PALLD: variants seen among roughly 807,000 people sequenced by gnomAD.
PALLD encodes palladin, cytoskeletal associated protein, also known as palladin.
PALLD carries 61 observed loss-of-function variants against 123.5 expected under a neutral mutation model. That is an observed-to-expected ratio of 0.49 (90% confidence interval 0.40 to 0.61). PALLD has a LOEUF of 0.61. Ranked by LOEUF, PALLD falls within the 20% of genes least tolerant of loss-of-function variation. The probability of loss-of-function intolerance (pLI) is 0.00; values close to 1 mark genes in which losing one functional copy is unlikely to be tolerated. For missense variants in PALLD, 1,273 were observed against 1,377.0 expected, an observed-to-expected ratio of 0.92 and a Z score of 1.20; for synonymous variants, 465 against 496.4, an observed-to-expected ratio of 0.94 and a Z score of 0.84.
chr4:168,741,146 T>G (rs1322050005), intron 10 of PALLD, among the ~76,000 whole-genome samples: 8 of 152,172 alleles, frequency 5.3e-5, no homozygotes, highest in Non-Finnish European at 1.2e-4. Flanking sequence ...TAAATCAAAC[T>G]CTGGATGGCG....
intron 2 of PALLD, among the ~76,000 whole-genome samples, chr4:168,517,631 T>C (rs905548951): frequency 1.3e-5 from 2 of 152,192 alleles, no homozygotes; most frequent in African/African-American, 2.4e-5. Context: ...TGAATTTACT[T>C]TTCTTACTAA....
At chr4:168,665,200 C>T (rs1238121952) in intron 2 of PALLD, among the ~76,000 whole-genome samples, 2 of 152,118 alleles carry the variant, frequency 1.3e-5, no homozygotes, top group African/African-American at 2.4e-5. Context: ...GGATTTGGCA[C>T]CTTGTCTTTA....
intron 2 of PALLD, among the ~76,000 whole-genome samples, chr4:168,571,853 G>C (rs906006534): frequency 6.6e-6 from 1 of 152,108 alleles, no homozygotes. Flanking sequence ...ATTGCCTCGA[G>C]ACTACTGTAG....
At chr4:168,543,366 A>G (rs1765830641) in intron 2 of PALLD, among the ~76,000 whole-genome samples, 1 of 150,654 alleles carries the variant, frequency 6.6e-6, no homozygotes, top group African/African-American at 2.4e-5. Context: ...TCTCGTCTCA[A>G]CTGCAGGGAC....
chr4:168,723,070 G>A (rs763702576), intron 10 of PALLD, among the ~76,000 whole-genome samples: 39 of 152,152 alleles, frequency 2.6e-4, no homozygotes, highest in African/African-American at 6.8e-4. Context: ...GCATCTGTTC[G>A]AGTGGATAGT....
intron 10 of PALLD, among the ~76,000 whole-genome samples, chr4:168,801,275 T>C (rs959580936): frequency 6.6e-6 from 1 of 152,146 alleles, no homozygotes; most frequent in Non-Finnish European, 1.5e-5. Context: ...AGTGTAAAAT[T>C]TTTTTGTTTG....
intron 10 of PALLD, among the ~76,000 whole-genome samples, chr4:168,814,544 C>A (rs544786304): frequency 2.0e-5 from 3 of 152,044 alleles, no homozygotes; most frequent in African/African-American, 7.2e-5. Flanking sequence ...GTTCATAGGA[C>A]GAAATTACTT....
At chr4:168,896,788 C>A (rs1463226850) in intron 13 of PALLD, among the ~76,000 whole-genome samples, 189 bp downstream of exon 13, 1 of 152,058 alleles carries the variant, frequency 6.6e-6, no homozygotes, top group Middle Eastern at 3.4e-3. Flanking sequence ...CATGTATTTA[C>A]CAGCTTGAAT....
At chr4:168,738,033 C>G (rs1201537581) in intron 10 of PALLD, among the ~76,000 whole-genome samples, 1 of 152,310 alleles carries the variant, frequency 6.6e-6, no homozygotes, top group East Asian at 1.9e-4. Context: ...GGAATCTGAC[C>G]ATTCTTTTTC....
chr4:168,536,975 C>G (rs886068865), intron 2 of PALLD, among the ~76,000 whole-genome samples: 1 of 152,066 alleles, frequency 6.6e-6, no homozygotes, highest in African/African-American at 2.4e-5. Context: ...CTATAGGCGC[C>G]TGCCACCACG....
At chr4:168,529,021 C>T (rs983476672) in intron 2 of PALLD, among the ~76,000 whole-genome samples, 6 of 152,132 alleles carry the variant, frequency 3.9e-5, no homozygotes, top group African/African-American at 1.4e-4. Context: ...AAGGAGGAAG[C>T]ACCTAACATA....
At chr4:168,920,812 A>G (rs188537025) in intron 17 of PALLD, among the ~76,000 whole-genome samples, 126 of 152,334 alleles carry the variant, frequency 8.3e-4, no homozygotes, top group Non-Finnish European at 1.5e-3. Context: ...TGCATTCTCC[A>G]TAACTATGGC....
chr4:168,661,629 C>T (rs1779144482), intron 2 of PALLD, among the ~76,000 whole-genome samples: 1 of 152,212 alleles, frequency 6.6e-6, no homozygotes, highest in African/African-American at 2.4e-5. Context: ...GTTTGGCTCT[C>T]CAGTTTCCCT....
At position 168,925,296 on chromosome 4, in the gene PALLD, T is replaced by G; in HGVS notation, c.*32+18T>G. ...ATACCCAAGTATCATTCAGGAACTT[T>G]GAATTATTAGCAAAATATGCATGTT... On this transcript the variant is annotated intron_variant, in intron 21 of 21. Transcript: ENST00000505667. 6.3e-7 allele frequency: 1 copy of G among 1,582,480 alleles called. No homozygotes were observed. Among genetic ancestry groups the G allele is most frequent in the East Asian group, 2.2e-5 (1 of 44,716 alleles).
chr4:168,599,913 C>T (rs199758157), intron 2 of PALLD, among the ~76,000 whole-genome samples: 3 of 139,670 alleles, frequency 2.1e-5, no homozygotes, highest in Non-Finnish European at 4.6e-5. Flanking sequence ...CACACACACA[C>T]ATATATATAC....
intron 10 of PALLD, among the ~76,000 whole-genome samples, chr4:168,867,916 AAAAG>A (rs1750534508): frequency 1.3e-5 from 2 of 152,042 alleles, no homozygotes; most frequent in African/African-American, 2.4e-5. Context: ...GAAAAAAAAA[AAAAG>A]AAAAAAAAAA....
At chr4:168,691,404 T>A in intron 8 of PALLD, 112 bp downstream of exon 8, 1 of 865,516 alleles carries the variant, frequency 1.2e-6, no homozygotes, top group Non-Finnish European at 1.9e-6. Flanking sequence ...GAACAATGTT[T>A]TTGTGGCTCC....
chr4:168,925,370 C>T (rs907887258), intron 21 of PALLD, 92 bp downstream of exon 21: 2 of 957,278 alleles, frequency 2.1e-6, no homozygotes, highest in African/African-American at 3.2e-5. Flanking sequence ...ACTCAAGCAT[C>T]CTTAGGAGTT....
chr4:168,919,075 C>CTAT (rs1760860471), intron 17 of PALLD, among the ~76,000 whole-genome samples: 1 of 152,116 alleles, frequency 6.6e-6, no homozygotes, highest in African/African-American at 2.4e-5. Context: ...CTGGTTATCT[C>CTAT]TATTTTTAAT....
Sources: gnomAD v4.1 joint callset for allele counts (sites outside exome capture counted in the v4.1 genomes callset) on GRCh38, gnomAD v4.1.1 for gene constraint, MANE v1.5 for transcripts, NCBI Gene and HGNC (gene_info 2026-07-23, HGNC 2026-07-21) for gene names.